Variants in CEMIP observed in about 807,000 individuals in gnomAD.
CEMIP encodes the protein cell migration inducing hyaluronidase 1, also known as cell migration-inducing and hyaluronan-binding protein.
In CEMIP, 105 loss-of-function variants were observed where a neutral mutation model predicts 156.9. That is an observed-to-expected ratio of 0.67 (90% CI 0.57 to 0.79). The LOEUF is 0.79. CEMIP is among the 30% of genes least tolerant of loss of function. The pLI, the probability that CEMIP is intolerant of heterozygous loss-of-function variation, is 0.00. For missense variants in CEMIP, 1,457 were observed against 1,769.4 expected, an observed-to-expected ratio of 0.82 and a Z score of 3.17; for synonymous variants, 676 against 668.4, an observed-to-expected ratio of 1.01 and a Z score of -0.17.
At chr15:80,878,595 G>A in intron 3 of CEMIP, 126 bp from the exon 4 acceptor site, 1 of 1,242,242 alleles carries the variant, frequency 8.0e-7, no homozygotes, top group South Asian at 1.3e-5. Context: ...CTAAGGTCTT[G>A]CTTTTAGCTC....
At chr15:80,861,194 A>G (rs534303219) in intron 1 of CEMIP, among the ~76,000 whole-genome samples, 13 of 151,846 alleles carry the variant, frequency 8.6e-5, no homozygotes, top group Non-Finnish European at 7.4e-5. Flanking sequence ...ATAAACACGG[A>G]TTGATTAATT....
At chr15:80,801,246 G>C (rs1896368062) in intron 1 of CEMIP, among the ~76,000 whole-genome samples, 1 of 152,214 alleles carries the variant, frequency 6.6e-6, no homozygotes, top group South Asian at 2.1e-4. Flanking sequence ...GGGTCAACCA[G>C]CTGGTTCTGC....
rs766369599 is a variant in CEMIP at position 80,925,636 on chromosome 15, C to A, written c.2301C>A (p.His767Gln). The A allele has an allele frequency of 1.1e-5, 18 of 1,613,050 alleles. No homozygotes were observed. The highest frequency in any genetic ancestry group is 1.5e-5 in the Non-Finnish European group (18 of 1,179,942). ...GGTTGTGCTGCAGATACAGCCCTCACCAGGACGCCGACCCGCTGAAGCCCC... is the reference window on the plus strand; with the variant it reads ...GGTTGTGCTGCAGATACAGCCCTCAACAGGACGCCGACCCGCTGAAGCCCC... Reference protein sequence around the residue: ...LSIISARYSPHQDADPLKPRE... With the variant: ...LSIISARYSPQQDADPLKPRE... Residue 767 changes from histidine (H) to glutamine (Q), a missense_variant, in exon 19 of 30, where the codon CAC (histidine) becomes CAA (glutamine). By Grantham distance (24) the His-to-Gln change is conservative. Around this residue, in one of 5 missense-constraint regions of CEMIP, gnomAD observed 798 missense variants for 980.1 expected, o/e 0.81. Transcript: ENST00000394685.
intron 21 of CEMIP, among the ~76,000 whole-genome samples, chr15:80,929,778 T>A (rs1050823883): frequency 1.3e-5 from 2 of 152,238 alleles, no homozygotes; most frequent in African/African-American, 4.8e-5. Context: ...TAATGTCAGA[T>A]ATGCTCAACA....
intron 23 of CEMIP, among the ~76,000 whole-genome samples, chr15:80,934,372 G>C (rs1163658102): frequency 6.6e-6 from 1 of 152,208 alleles, no homozygotes; most frequent in Non-Finnish European, 1.5e-5. Context: ...CCACATGAGG[G>C]ACAGGGCAGG....
At position 80,928,980 on chromosome 15, in the gene CEMIP, G is replaced by T. The variant is rs761540368; in HGVS notation, c.2457-39G>T. 3 of 1,614,116 alleles carry T rather than the reference G, an allele frequency of 1.9e-6. No homozygotes were observed. In the East Asian group the frequency reaches 6.7e-5, roughly 36 times the overall value. ...TGTACTTGGTCCTCTGTGGGATCTT[G>T]TCTCTGGGCATCTCACCTTAAACAT... On this transcript the variant is annotated intron_variant, in intron 20 of 29. Transcript: ENST00000394685.
chr15:80,939,626 G>A (rs1389634695), intron 25 of CEMIP, among the ~76,000 whole-genome samples: 1 of 152,192 alleles, frequency 6.6e-6, no homozygotes, highest in Non-Finnish European at 1.5e-5. Context: ...AGGCTGGTCT[G>A]CTTGTCACCT....
At chr15:80,884,104 G>A (rs1898753325) in intron 6 of CEMIP, 71 bp from the exon 7 acceptor site, 3 of 1,445,680 alleles carry the variant, frequency 2.1e-6, no homozygotes, top group East Asian at 2.3e-5. Flanking sequence ...CGCAGCACAG[G>A]CATGTGCTTA....
At chr15:80,929,275 G>T in intron 21 of CEMIP, 101 bp downstream of exon 21, 2 of 1,392,512 alleles carry the variant, frequency 1.4e-6, no homozygotes. Flanking sequence ...TGTTGACTAT[G>T]AATTCTTCTA....
At chr15:80,895,418 T>C (rs974262026) in intron 11 of CEMIP, among the ~76,000 whole-genome samples, 1 of 152,010 alleles carries the variant, frequency 6.6e-6, no homozygotes, top group Admixed American at 6.6e-5. Flanking sequence ...GGTGCTATTA[T>C]TTTAAATCCA....
intron 29 of CEMIP, chr15:80,948,095 A>C (rs1199203477): frequency 6.5e-6 from 1 of 153,232 alleles, no homozygotes; most frequent in Non-Finnish European, 1.5e-5. Context: ...TCTGTCTTTT[A>C]AATTAAGATC....
intron 1 of CEMIP, among the ~76,000 whole-genome samples, chr15:80,785,121 G>A (rs778657855): frequency 1.8e-4 from 27 of 152,110 alleles, no homozygotes; most frequent in Admixed American, 7.2e-4. Context: ...ACTTTTAAGC[G>A]CAAGATCGTT....
At chr15:80,814,101 A>C (rs556662906) in intron 1 of CEMIP, among the ~76,000 whole-genome samples, 2 of 120,028 alleles carry the variant, frequency 1.7e-5, no homozygotes, top group Admixed American at 2.3e-4. Context: ...CCCAGGCTGG[A>C]GTGCAGTGGT....
chr15:80,847,191 G>A (rs1897582660), intron 1 of CEMIP, among the ~76,000 whole-genome samples: 2 of 152,134 alleles, frequency 1.3e-5, no homozygotes, highest in Non-Finnish European at 2.9e-5. Flanking sequence ...TAGGATTACA[G>A]GCATGCACCA....
At position 80,906,588 on chromosome 15, in the gene CEMIP, G is replaced by A; in HGVS notation, c.1412-75G>A. The A allele has an allele frequency of 6.9e-7, 1 of 1,446,410 alleles. No homozygotes were observed. The highest frequency in any genetic ancestry group is 9.5e-7 in the Non-Finnish European group (1 of 1,048,490). 89.6% of individuals were successfully genotyped at this position (1,446,410 alleles called of 1,614,324 possible). On this transcript the variant is annotated intron_variant, in intron 12 of 29. Transcript: ENST00000394685. The surrounding 1 kb of genome is among the most constrained non-coding windows in gnomAD (Gnocchi z 4.3). Reference sequence around the variant, plus strand: ...CGATGAGTAAGCAGCAGCCATGGAGGCACCTGGCAGGGGCCCAGAACTCAG... The same window carrying A: ...CGATGAGTAAGCAGCAGCCATGGAGACACCTGGCAGGGGCCCAGAACTCAG...
chr15:80,948,950 C>T lies in CEMIP; in HGVS notation c.*26C>T, dbSNP rs769328259. The T allele has an allele frequency of 6.7e-5, 108 of 1,613,818 alleles. 1 individual carries two copies. The highest frequency in any genetic ancestry group is 8.5e-5 in the Non-Finnish European group (100 of 1,179,868). ...GGACAGCTGCCGCCCGGTGCCACCT[C>T]GTGGTAGACTATGACGGTGACTCTT... On this transcript the variant is annotated 3_prime_UTR_variant, in exon 30 of 30. Coordinates refer to ENST00000394685, the MANE Select transcript of CEMIP (RefSeq NM_001293298.2).
chr15:80,929,228 G>A, intron 21 of CEMIP, 54 bp downstream of exon 21: 1 of 1,606,128 alleles, frequency 6.2e-7, no homozygotes, highest in Non-Finnish European at 8.5e-7. Context: ...CTAAGTGGCT[G>A]TGATGGAAGG....
chr15:80,783,323 A>G (rs1483847495), intron 1 of CEMIP, among the ~76,000 whole-genome samples: 1 of 152,258 alleles, frequency 6.6e-6, no homozygotes, highest in Non-Finnish European at 1.5e-5. Context: ...ACAAGATAGC[A>G]TATCTTTGAA....
chr15:80,915,022 G>A (rs1020704039), intron 14 of CEMIP, among the ~76,000 whole-genome samples: 1 of 152,172 alleles, frequency 6.6e-6, no homozygotes, highest in Non-Finnish European at 1.5e-5. Context: ...GGGGCCACAA[G>A]ACCAGATGAG....
Sources: allele counts gnomAD v4.1 joint callset (sites outside exome capture counted in the v4.1 genomes callset), GRCh38; gene constraint gnomAD v4.1.1; regional missense constraint gnomAD v4.1.1; non-coding constraint Gnocchi (gnomAD v3.1); transcripts MANE v1.5; gene names NCBI Gene and HGNC (gene_info 2026-07-23, HGNC 2026-07-21).